The following HUWE1 variants were observed in gnomAD, a reference collection of about 807,000 sequenced individuals.
HUWE1 encodes the protein HECT, UBA and WWE domain containing E3 ubiquitin protein ligase 1.
In HUWE1, 18 loss-of-function variants were observed where a neutral mutation model predicts 299.4. The ratio of observed to expected loss-of-function variants is 0.06; its 90% CI spans 0.04 to 0.09. The LOEUF (loss-of-function observed/expected upper bound fraction) is 0.09. HUWE1 is among the 10% of genes least tolerant of loss of function. The pLI is 1.00. For synonymous variants in HUWE1, 1,317 were observed against 1,286.1 expected, an observed-to-expected ratio of 1.02 and a Z score of -0.51; for missense variants, 1,832 against 3,462.3, an observed-to-expected ratio of 0.53 and a Z score of 11.82.
In HUWE1 at chrX:53,594,488, T is replaced by G. The variant is rs371731809; in HGVS notation, c.3503+11A>C. 323 of 1,208,047 alleles carry G rather than the reference T, an allele frequency of 2.7e-4. No homozygotes were observed. Among genetic ancestry groups the G allele is most frequent in the Non-Finnish European group, 3.5e-4 (312 of 894,041 alleles). ...AAGAAATGCTCCTCTGTGAAGCAACTTGATCCTTACTCAAAAAGAGCATTG... is the reference window on the plus strand; with the variant it reads ...AAGAAATGCTCCTCTGTGAAGCAACGTGATCCTTACTCAAAAAGAGCATTG... On this transcript the variant is annotated intron_variant, in intron 31 of 83. Coordinates refer to ENST00000262854, the MANE Select transcript of HUWE1 (RefSeq NM_031407.7).
chrX:53,667,990 T>C (rs1557048173), intron 3 of HUWE1, among the ~76,000 whole-genome samples: 1 of 111,155 alleles, frequency 9.0e-6, no homozygotes, highest in African/African-American at 3.3e-5. Flanking sequence ...AACACAGGTA[T>C]ATGGTATTTT....
At chrX:53,657,828 T>A (rs1557043625) in intron 3 of HUWE1, among the ~76,000 whole-genome samples, 1 of 109,724 alleles carries the variant, frequency 9.1e-6, no homozygotes, top group Non-Finnish European at 1.9e-5. Flanking sequence ...GGCGGGCGGA[T>A]CACAAGGTCA....
At chrX:53,629,181 A>G (rs2066710070) in intron 13 of HUWE1, among the ~76,000 whole-genome samples, 2 of 111,605 alleles carry the variant, frequency 1.8e-5, no homozygotes, top group South Asian at 7.6e-4. Context: ...TTAATGCAGG[A>G]TCCCTGATTC....
chrX:53,600,357 T>C (rs1556989188), intron 28 of HUWE1, 48 bp from the exon 29 acceptor site: 1 of 950,342 alleles, frequency 1.1e-6, no homozygotes, highest in Non-Finnish European at 1.5e-6. Context: ...GAGCCAACAT[T>C]TACCTGGTTC....
intron 77 of HUWE1, 35 bp downstream of exon 77, chrX:53,538,302 C>T (rs1556914969): frequency 9.9e-7 from 1 of 1,010,170 alleles, no homozygotes; most frequent in East Asian, 3.0e-5. Flanking sequence ...GGAGTTCTCA[C>T]CACCCCTCTA....
In HUWE1 at chrX:53,548,943, G is replaced by A. The variant is rs1556925812; in HGVS notation, c.10035+16C>T. The A allele has an allele frequency of 2.5e-6, 3 of 1,179,544 alleles. No individual in the cohort carries two copies. Among genetic ancestry groups the A allele is most frequent in the Non-Finnish European group, 2.3e-6 (2 of 877,082 alleles). On this transcript the variant is annotated intron_variant, in intron 67 of 83. Transcript: ENST00000262854. ...ACCCTTCTTCCATCCCCAGGAGTTG[G>A]GTTTGAAACCCTCACCTTGGCCAAT...
chrX:53,593,638 T>C, intron 31 of HUWE1, 37 bp from the exon 32 acceptor site: 1 of 1,070,108 alleles, frequency 9.3e-7, no homozygotes, highest in Non-Finnish European at 1.3e-6. Flanking sequence ...AGAATATTAG[T>C]ATTTTACCCT....
intron 12 of HUWE1, among the ~76,000 whole-genome samples, chrX:53,630,414 A>G (rs2066796791): frequency 9.0e-6 from 1 of 111,690 alleles, no homozygotes; most frequent in Admixed American, 9.5e-5. Flanking sequence ...CCTCAATATT[A>G]AACGAATAAG....
Position 53,617,421 on chromosome X carries a change from T to A in HUWE1, c.1698A>T (p.Val566=). 8.4e-7 allele frequency: 1 copy of A among 1,186,506 alleles called. No homozygotes were observed. The highest frequency in any genetic ancestry group is 3.0e-5 in the East Asian group (1 of 33,454). Residue 566 remains valine, a synonymous_variant, in exon 20 of 84, where the codon GTA becomes GTT. Transcript: ENST00000262854. ...LLATEVVTVF[V]FQEPSLLSSL... ...AGGAGAGCAGTGATGGTTCTTGAAA[T>A]ACAAACACAGTCACCACTTCAGTAG...
intron 43 of HUWE1, 43 bp from the exon 44 acceptor site, chrX:53,577,110 G>C (rs967672723): frequency 9.9e-7 from 1 of 1,009,707 alleles, no homozygotes; most frequent in South Asian, 1.9e-5. Flanking sequence ...TCATGAAGCA[G>C]TACCTAAACT....
At chrX:53,562,730 A>T (rs1405555371) in intron 53 of HUWE1, 101 bp downstream of exon 53, 1 of 625,360 alleles carries the variant, frequency 1.6e-6, no homozygotes, top group Non-Finnish European at 2.7e-6. Flanking sequence ...ATGCTTCCTT[A>T]TTCTGCACAT....
intron 77 of HUWE1, among the ~76,000 whole-genome samples, chrX:53,537,966 G>A (rs1250418265): frequency 6.3e-5 from 7 of 111,614 alleles, no homozygotes; most frequent in East Asian, 2.8e-4. Context: ...ATACATGCAC[G>A]AGGAGAAGGA....
intron 3 of HUWE1, among the ~76,000 whole-genome samples, chrX:53,667,348 A>G (rs1557047961): frequency 8.9e-6 from 1 of 112,413 alleles, no homozygotes; most frequent in African/African-American, 3.2e-5. Context: ...ATTATATCCC[A>G]GTAAACCCAT....
At chrX:53,546,630 G>C (rs781798127) in intron 69 of HUWE1, 38 bp from the exon 70 acceptor site, 4 of 1,209,241 alleles carry the variant, frequency 3.3e-6, no homozygotes, top group Middle Eastern at 2.3e-4. Context: ...GCCCCAGCCT[G>C]AGAACAAAAT....
chrX:53,646,845 C>A (rs2068086875), intron 6 of HUWE1, among the ~76,000 whole-genome samples: 1 of 112,063 alleles, frequency 8.9e-6, no homozygotes. Context: ...TTTCTTCTTA[C>A]AGTGATTTTT....
At position 53,614,708 on chromosome X, in the gene HUWE1, T is replaced by C; in HGVS notation, c.2087A>G (p.Lys696Arg). The C allele has an allele frequency of 8.3e-7, 1 of 1,205,421 alleles. No homozygotes were observed. The highest frequency in any genetic ancestry group is 1.1e-6 in the Non-Finnish European group (1 of 890,145). Residue 696 changes from lysine to arginine, a missense_variant, in exon 23 of 84, where the codon AAA becomes AGA. Coordinates refer to ENST00000262854, the MANE Select transcript of HUWE1 (RefSeq NM_031407.7). Reference sequence around the variant, plus strand: ...GATTGATGGCTTCTGACAGATGTATTTGGGGTCCCTTCCAAGATTACAGAT... The same window carrying C: ...GATTGATGGCTTCTGACAGATGTATCTGGGGTCCCTTCCAAGATTACAGAT... ...EEICNLGRDP[K>R]YICQKPSIQK...
In HUWE1 at chrX:53,595,843, AT is replaced by A. The variant is rs200790868; in HGVS notation, c.3164-441del. Among the ~76,000 whole-genome samples the A allele has an allele frequency of 7.5e-3, 846 of 112,193 alleles. 9 individuals are homozygous for A. The highest frequency in any genetic ancestry group is 0.026 in the African/African-American group (813 of 30,872). ...AAAATATGTAGTCCCAGAGGAAAAA[AT>A]AAACTAGGAAAAGCAGGAAAATTTT... On this transcript the variant is annotated intron_variant, in intron 29 of 83. Coordinates refer to ENST00000262854, the MANE Select transcript of HUWE1 (RefSeq NM_031407.7).
intron 19 of HUWE1, among the ~76,000 whole-genome samples, chrX:53,621,113 T>C (rs781844341): frequency 1.1e-4 from 12 of 111,790 alleles, no homozygotes; most frequent in Non-Finnish European, 1.9e-4. Flanking sequence ...ACCACCTTAT[T>C]ACAGAGGTAT....
At chrX:53,628,969 T>C (rs1387997434) in intron 13 of HUWE1, 67 bp from the exon 14 acceptor site, 2 of 949,809 alleles carry the variant, frequency 2.1e-6, no homozygotes, top group Non-Finnish European at 3.0e-6. Flanking sequence ...AAGTTCCAGT[T>C]GCTAATATCC....
Sources: allele counts gnomAD v4.1 joint callset (sites outside exome capture counted in the v4.1 genomes callset), GRCh38; gene constraint gnomAD v4.1.1; transcripts MANE v1.5; gene names NCBI Gene and HGNC (gene_info 2026-07-23, HGNC 2026-07-21).